The following COL6A5 variants were observed in gnomAD, a reference collection of about 807,000 sequenced individuals.
COL6A5 encodes the protein collagen type VI alpha 5 chain.
In COL6A5, 48 loss-of-function variants were observed where a neutral mutation model predicts 65.6. That is an observed-to-expected ratio of 0.73 (90% CI 0.58 to 0.93). COL6A5 has a LOEUF of 0.93. Ranked by LOEUF, COL6A5 falls within the 40% of genes least tolerant of loss-of-function variation. The pLI, the probability that COL6A5 is intolerant of heterozygous loss-of-function variation, is 0.00. For missense variants in COL6A5, 914 were observed against 928.3 expected, an observed-to-expected ratio of 0.98 and a Z score of 0.20; for synonymous variants, 291 against 322.8, an observed-to-expected ratio of 0.90 and a Z score of 1.05.
chr3:130,409,075 C>A (rs578144172), intron 17 of COL6A5, among the ~76,000 whole-genome samples: 3 of 152,258 alleles, frequency 2.0e-5, no homozygotes, highest in African/African-American at 7.2e-5. Context: ...TCCATCACTG[C>A]AGAAACTCCT....
At chr3:130,451,245 G>C (rs1164298771) in intron 4 of COL6A5, among the ~76,000 whole-genome samples, 3 of 152,146 alleles carry the variant, frequency 2.0e-5, no homozygotes, top group Non-Finnish European at 4.4e-5. Context: ...GGCGTAATAA[G>C]TGTTGCACTG....
rs1177303735 is a variant in COL6A5, at chr3:130,380,090, A to G, written c.1300+40A>G. On this transcript the variant is annotated intron_variant and NMD_transcript_variant, in intron 4 of 41. Coordinates refer to the COL6A5 transcript ENST00000312481. ...ATACTTTTCTAATTATAAAATTAATATAAGTGGTTACCTAGGACTAGGGTG... is the reference window on the plus strand; with the variant it reads ...ATACTTTTCTAATTATAAAATTAATGTAAGTGGTTACCTAGGACTAGGGTG... The G allele has an allele frequency of 8.8e-6, 12 of 1,370,018 alleles. No individual in the cohort carries two copies. The African/African-American group carries it at 1.3e-4, about 15-fold the overall frequency. The allele number at this position is 1,370,018 out of a possible 1,614,324, so 84.9% of individuals were successfully genotyped here. A position where few individuals can be genotyped will look rare whatever the true frequency, so the allele number is the denominator to read the frequency against.
chr3:130,408,152 C>T (rs147230546), intron 17 of COL6A5, among the ~76,000 whole-genome samples: 33 of 152,172 alleles, frequency 2.2e-4, no homozygotes, highest in East Asian at 5.8e-4. Flanking sequence ...TGACTGCCTG[C>T]GGGGCCGGAC....
intron 24 of COL6A5, among the ~76,000 whole-genome samples, chr3:130,418,635 C>G (rs1441502815): frequency 2.6e-5 from 4 of 152,066 alleles, no homozygotes; most frequent in Non-Finnish European, 5.9e-5. Flanking sequence ...TTGTCTTCTC[C>G]TTCAGTACTT....
At chr3:130,396,095 CAAT>C (rs1281787928) in intron 8 of COL6A5, among the ~76,000 whole-genome samples, 5 of 152,178 alleles carry the variant, frequency 3.3e-5, no homozygotes, top group Admixed American at 6.5e-5. Context: ...AACTGAAAAA[CAAT>C]GATGCATCTC....
At chr3:130,401,130 C>A (rs1227815351) in exon 11 of COL6A5, 3 of 1,549,394 alleles carry the variant, frequency 1.9e-6, no homozygotes, top group Non-Finnish European at 1.7e-6. Flanking sequence ...ACTCATCTGA[C>A]TATTGGAATG....
intron 10 of COL6A5, among the ~76,000 whole-genome samples, chr3:130,400,822 G>A (rs1263435727): frequency 3.3e-5 from 5 of 152,180 alleles, no homozygotes; most frequent in Non-Finnish European, 7.3e-5. Context: ...TCATGCGACG[G>A]TCAGGGACCA....
Position 130,388,617 on chromosome 3 carries a change from G to A in COL6A5, c.1899G>A (p.Val633=), listed in dbSNP as rs182629319. 1.2e-5 allele frequency: 19 copies of A among 1,549,146 alleles called. No homozygotes were observed. The Admixed American group carries it at 1.8e-4, about 14-fold the overall frequency. The change falls in exon 6 of 42, where the codon GTG becomes GTA. Residue 633 remains valine, a synonymous_variant and NMD_transcript_variant. Coordinates refer to the COL6A5 transcript ENST00000312481. The stretch of plus-strand genomic sequence containing the variant: ...TGAAGGCCGACATCATGTTTCTGGT[G>A]GACAGTTCTTGGAGTATAGGAAATG...
At chr3:130,348,968 T>C (rs975869053) in intron 1 of COL6A5, among the ~76,000 whole-genome samples, 1 of 152,076 alleles carries the variant, frequency 6.6e-6, no homozygotes, top group African/African-American at 2.4e-5. Flanking sequence ...GGGTTGTTTG[T>C]TTTTCTGTTG....
Position 130,401,857 on chromosome 3 carries a change from G to A in COL6A5, c.4227+3G>A. The A allele has an allele frequency of 1.3e-6, 2 of 1,547,270 alleles. No homozygotes were observed. Among genetic ancestry groups the A allele is most frequent in the Non-Finnish European group, 1.7e-6 (2 of 1,143,062 alleles). On this transcript the variant is annotated splice_donor_region_variant and intron_variant and NMD_transcript_variant, in intron 12 of 41. Coordinates refer to the COL6A5 transcript ENST00000312481. ...CCCGAGGACTACAAGCCATGAAGGT[G>A]CCACTCACCTGTGATACTATTTTAT...
At chr3:130,352,591 A>T (rs1285186866) in intron 1 of COL6A5, among the ~76,000 whole-genome samples, 1 of 152,184 alleles carries the variant, frequency 6.6e-6, no homozygotes. Flanking sequence ...TTCATGATCA[A>T]GTTGAGGCTC....
At chr3:130,389,329 C>T (rs1471789151) in intron 6 of COL6A5, among the ~76,000 whole-genome samples, 195 bp downstream of exon 6, 2 of 151,948 alleles carry the variant, frequency 1.3e-5, no homozygotes, top group African/African-American at 4.8e-5. Context: ...TAGTTTGGCA[C>T]AAGTTAGTAT....
intron 7 of COL6A5, 126 bp from the exon 41 acceptor site, chr3:130,483,909 G>A: frequency 1.4e-6 from 1 of 725,058 alleles, no homozygotes; most frequent in Admixed American, 2.5e-5. Flanking sequence ...CTTCTATTTT[G>A]ACCATTGAAA....
rs575830029 is a variant in COL6A5 at position 130,419,100 on chromosome 3, T to C, written c.4950+169T>C. Among the ~76,000 whole-genome samples the C allele has an allele frequency of 2.6e-5, 4 of 152,156 alleles. No individual in the cohort carries two copies. In the South Asian group the frequency reaches 6.2e-4, roughly 24 times the overall value. ...CCCCCTAAAGCTCTCATTCCATAGA[T>C]AGTCTGTCAACGTGAAGGAGAACAG... On this transcript the variant is annotated intron_variant and NMD_transcript_variant, in intron 25 of 41. Transcript: ENST00000312481.
chr3:130,452,492 C>A (rs1409513883), intron 4 of COL6A5, among the ~76,000 whole-genome samples: 4 of 152,118 alleles, frequency 2.6e-5, no homozygotes, highest in Admixed American at 2.0e-4. Context: ...GCCCCACAAG[C>A]CGCAAAACCA....
At chr3:130,354,161 A>G (rs1934832356) in intron 1 of COL6A5, among the ~76,000 whole-genome samples, 2 of 152,126 alleles carry the variant, frequency 1.3e-5, no homozygotes, top group Non-Finnish European at 2.9e-5. Context: ...GCATGATGAT[A>G]TTTAAGGATA....
chr3:130,459,791 T>C (rs1015215052), intron 5 of COL6A5, among the ~76,000 whole-genome samples: 6 of 152,030 alleles, frequency 3.9e-5, no homozygotes, highest in African/African-American at 1.4e-4. Flanking sequence ...AAGTTTCAAA[T>C]CAAACAATTT....
chr3:130,379,878 TAAC>T, exon 4 of COL6A5: 1 of 1,551,364 alleles, frequency 6.4e-7, no homozygotes, highest in Non-Finnish European at 8.7e-7. Flanking sequence ...TCCAAGGGGC[TAAC>T]AATACCCAGT....
intron 1 of COL6A5, among the ~76,000 whole-genome samples, chr3:130,362,839 G>T (rs186213760): frequency 7.9e-5 from 12 of 152,090 alleles, no homozygotes; most frequent in Middle Eastern, 3.4e-3. Context: ...AATTAATATG[G>T]TTACTCCTGC....
Sources: allele counts gnomAD v4.1 joint callset (sites outside exome capture counted in the v4.1 genomes callset), GRCh38; gene constraint gnomAD v4.1.1; transcripts MANE v1.5; gene names NCBI Gene and HGNC (gene_info 2026-07-23, HGNC 2026-07-21).